PPP5C: variants seen among roughly 807,000 people sequenced by gnomAD.
PPP5C encodes serine/threonine-protein phosphatase 5.
In PPP5C, 21 loss-of-function variants were observed where a neutral mutation model predicts 66.7. The observed-to-expected ratio is 0.31, with a 90% CI of 0.22 to 0.45. PPP5C has a LOEUF of 0.45. Ranked by LOEUF, PPP5C falls within the 20% of genes least tolerant of loss-of-function variation. The pLI, the probability that PPP5C is intolerant of heterozygous loss-of-function variation, is 1.00. For synonymous variants in PPP5C, 246 were observed against 257.4 expected (o/e 0.96, Z 0.43); for missense variants, 464 against 675.9 (o/e 0.69, Z 3.48).
intron 4 of PPP5C, chr19:46,382,980 G>C: frequency 9.3e-7 from 1 of 1,074,744 alleles, no homozygotes; most frequent in East Asian, 7.1e-5. Context: ...AGCGTCCGTT[G>C]AAAGCACCAG....
At chr19:46,377,808 A>C (rs1225282857) in intron 4 of PPP5C, among the ~76,000 whole-genome samples, 1 of 152,232 alleles carries the variant, frequency 6.6e-6, no homozygotes, top group South Asian at 2.1e-4. Context: ...GGATTCATAC[A>C]TGGATGTTGT....
intron 11 of PPP5C, 62 bp from the exon 12 acceptor site, chr19:46,389,989 T>G: frequency 6.6e-7 from 1 of 1,511,416 alleles, no homozygotes; most frequent in Non-Finnish European, 9.2e-7. Flanking sequence ...CCATTCCTTC[T>G]CTTAACCCAC....
At chr19:46,355,304 T>G (rs2239379) in intron 2 of PPP5C, among the ~76,000 whole-genome samples, 82,046 of 151,704 alleles carry the variant, frequency 0.54, 22,342 homozygotes, top group South Asian at 0.74. Flanking sequence ...CTTCACTCCC[T>G]CCTTCCCTTG....
At position 46,383,184 on chromosome 19, in the gene PPP5C, G is replaced by A. The variant is rs112229741; in HGVS notation, c.634-227G>A. The A allele has an allele frequency of 6.7e-4, 1,001 of 1,491,970 alleles. 15 individuals carry two copies. The African/African-American group carries it at 0.012, about 18-fold the overall frequency. 92.4% of individuals were successfully genotyped at this position (1,491,970 alleles called of 1,614,324 possible). The stretch of plus-strand genomic sequence containing the variant: ...AAGATAATTCAAGAATCAGGTTTTC[G>A]TACAAAACAATCGCAATGCTTCGGC... On this transcript the variant is annotated intron_variant, in intron 4 of 12. Coordinates refer to ENST00000012443, the MANE Select transcript of PPP5C (RefSeq NM_006247.4). The surrounding 1 kb of genome is among the most constrained non-coding windows in gnomAD (Gnocchi z 5.0).
chr19:46,350,745 G>C (rs1020792241), intron 1 of PPP5C, among the ~76,000 whole-genome samples: 1 of 140,642 alleles, frequency 7.1e-6, no homozygotes, highest in East Asian at 2.1e-4. Context: ...AGCAAGGCTC[G>C]GAGAAGTGAA....
chr19:46,383,339 G>A lies in PPP5C; in HGVS notation c.634-72G>A. The A allele has an allele frequency of 1.3e-6, 2 of 1,572,122 alleles. No individual in the cohort carries two copies. The highest frequency in any genetic ancestry group is 1.9e-5 in the Admixed American group (1 of 53,354). On this transcript the variant is annotated intron_variant, in intron 4 of 12. Coordinates refer to ENST00000012443, the MANE Select transcript of PPP5C (RefSeq NM_006247.4). The surrounding 1 kb of genome is among the most constrained non-coding windows in gnomAD (Gnocchi z 5.0). ...TCAGCCCAGCAGCGTCTCATGGGCA[G>A]TCCAGGCTTTCGGGGCCAGGTTGGG...
Position 46,383,559 on chromosome 19 carries a change from C to T in PPP5C, c.699+83C>T, listed in dbSNP as rs979341323. On this transcript the variant is annotated intron_variant, in intron 5 of 12. Coordinates refer to ENST00000012443, the MANE Select transcript of PPP5C (RefSeq NM_006247.4). The surrounding 1 kb of genome is among the most constrained non-coding windows in gnomAD (Gnocchi z 5.0). ...AGGGGCCACAGAGCTCAGGAACTCA[C>T]GGATCCACCTCCCTCTCTCCCTCAC... 4.3e-5 allele frequency: 59 copies of T among 1,364,516 alleles called. No individual in the cohort carries two copies. Among genetic ancestry groups the T allele is most frequent in the Non-Finnish European group, 5.0e-6 (5 of 993,384 alleles). 84.5% of individuals were successfully genotyped at this position (1,364,516 alleles called of 1,614,324 possible).
intron 2 of PPP5C, among the ~76,000 whole-genome samples, chr19:46,362,876 C>T (rs913999789): frequency 2.7e-5 from 4 of 150,698 alleles, no homozygotes; most frequent in East Asian, 2.0e-4. Context: ...CAAGCTCCGC[C>T]GCCCAGGTTC....
At position 46,388,327 on chromosome 19, in the gene PPP5C, G is replaced by A. The variant is rs1601447825; in HGVS notation, c.1136-81G>A. ...AGGCTGGGCTGTGGGGTCAGCACCT[G>A]GCCGGGCCAGGAGGTGGCCTGTGAG... is the stretch of plus-strand genomic sequence containing the variant. On this transcript the variant is annotated intron_variant, in intron 9 of 12. Coordinates refer to ENST00000012443, the MANE Select transcript of PPP5C (RefSeq NM_006247.4). This position sits in a 1 kb window ranked among gnomAD's most constrained non-coding sequence, Gnocchi z 4.9. 8.2e-6 allele frequency: 12 copies of A among 1,460,376 alleles called. No homozygotes were observed. Among genetic ancestry groups the A allele is most frequent in the Non-Finnish European group, 1.1e-5 (12 of 1,079,196 alleles). The allele number at this position is 1,460,376 out of a possible 1,614,324, so 90.5% of individuals were successfully genotyped here.
At chr19:46,389,695 C>T (rs1218340279) in intron 11 of PPP5C, among the ~76,000 whole-genome samples, 1 of 151,996 alleles carries the variant, frequency 6.6e-6, no homozygotes, top group Non-Finnish European at 1.5e-5. Flanking sequence ...ACTGCATCCC[C>T]GTGGTGCCGT....
chr19:46,379,527 TTTAAC>T (rs1402721911), intron 4 of PPP5C, among the ~76,000 whole-genome samples: 1 of 152,242 alleles, frequency 6.6e-6, no homozygotes, highest in Non-Finnish European at 1.5e-5. Context: ...TTCATTTATG[TTTAAC>T]TATCAGCAAT....
At chr19:46,357,439 C>T (rs1430814613) in intron 2 of PPP5C, among the ~76,000 whole-genome samples, 4 of 152,142 alleles carry the variant, frequency 2.6e-5, no homozygotes, top group South Asian at 2.1e-4. Flanking sequence ...CTCTCCCTAC[C>T]GGCAACCAAG....
intron 9 of PPP5C, chr19:46,387,669 G>T (rs778026541): frequency 1.0e-5 from 15 of 1,489,872 alleles, no homozygotes; most frequent in Middle Eastern, 1.8e-4. Flanking sequence ...CGGGGTGAAG[G>T]CACGGTGACC....
At chr19:46,359,178 T>C (rs1360111833) in intron 2 of PPP5C, among the ~76,000 whole-genome samples, 1 of 152,070 alleles carries the variant, frequency 6.6e-6, no homozygotes, top group African/African-American at 2.4e-5. Context: ...GTGAGGAATT[T>C]TCAGTGTGTC....
Position 46,388,755 on chromosome 19 carries a change from A to G in PPP5C, c.1355+24A>G, listed in dbSNP as rs1338036983. Reference sequence around the variant, plus strand: ...TGGTATGTCTTTGCCTTTCCAGCCCAGGGCCTCTACCAAGCCACGGGTTTT... The same window carrying G: ...TGGTATGTCTTTGCCTTTCCAGCCCGGGGCCTCTACCAAGCCACGGGTTTT... On this transcript the variant is annotated intron_variant, in intron 11 of 12. Transcript: ENST00000012443. This position sits in a 1 kb window ranked among gnomAD's most constrained non-coding sequence, Gnocchi z 4.9. The G allele has an allele frequency of 1.2e-6, 2 of 1,605,176 alleles. No homozygotes were observed. The highest frequency in any genetic ancestry group is 8.5e-7 in the Non-Finnish European group (1 of 1,174,074).
chr19:46,385,309 C>G (rs56203900), intron 7 of PPP5C, among the ~76,000 whole-genome samples: 3 of 151,980 alleles, frequency 2.0e-5, no homozygotes, highest in Non-Finnish European at 4.4e-5. Flanking sequence ...TGTGCCCCCT[C>G]AGATTCAGGC....
intron 2 of PPP5C, among the ~76,000 whole-genome samples, chr19:46,367,708 A>G (rs1025926402): frequency 3.9e-5 from 6 of 152,130 alleles, no homozygotes; most frequent in African/African-American, 1.4e-4. Context: ...TCAGTTGGAA[A>G]ACTTACATGC....
rs144237776 is a variant in PPP5C, at chr19:46,375,741, C to T, written c.501C>T (p.Ile167=). 587 of 1,599,698 alleles carry T rather than the reference C, an allele frequency of 3.7e-4. No homozygotes were observed. Among genetic ancestry groups the T allele is most frequent in the Non-Finnish European group, 4.6e-4 (535 of 1,172,982 alleles). Residue 167 remains isoleucine (I), a synonymous_variant, in exon 3 of 13, where the codon ATC becomes ATT. Coordinates refer to ENST00000012443, the MANE Select transcript of PPP5C (RefSeq NM_006247.4). ...HKRSVVDSLD[I]ESMTIEDEYS... ...GCTCCGTGGTGGACTCGCTGGACAT[C>T]GAGAGCATGAGTGAGTCAGGCCTGG...
In PPP5C at chr19:46,390,377, G is replaced by T. The variant is rs1409916822; in HGVS notation, c.*31G>T. On this transcript the variant is annotated 3_prime_UTR_variant, in exon 13 of 13. Transcript: ENST00000012443. ...CGGGCGGGGCGGCCTGCATCCCAGG[G>T]CCCCTCCAATCCCACCGGACCCAGG... The T allele has an allele frequency of 1.9e-6, 3 of 1,555,670 alleles. No homozygotes were observed. The highest frequency in any genetic ancestry group is 2.6e-6 in the Non-Finnish European group (3 of 1,150,040).
Sources: gnomAD v4.1 joint callset for allele counts (sites outside exome capture counted in the v4.1 genomes callset) on GRCh38, gnomAD v4.1.1 for gene constraint, Gnocchi (gnomAD v3.1) non-coding constraint, MANE v1.5 for transcripts, NCBI Gene and HGNC (gene_info 2026-07-23, HGNC 2026-07-21) for gene names.